The following CDKN1A variants were observed in gnomAD, a reference collection of about 807,000 sequenced individuals.
The protein encoded by CDKN1A is cyclin-dependent kinase inhibitor 1.
Under a neutral mutation model 14.8 loss-of-function variants are expected in CDKN1A, and 14 were observed. That is an observed-to-expected ratio of 0.94 (90% CI 0.62 to 1.48). The LOEUF (loss-of-function observed/expected upper bound fraction) is 1.48. CDKN1A is among the 40% of genes most tolerant of loss of function. The pLI is 0.00. For synonymous variants in CDKN1A, 92 were observed against 93.5 expected, an observed-to-expected ratio of 0.98 and a Z score of 0.09; for missense variants, 203 against 231.7, an observed-to-expected ratio of 0.88 and a Z score of 0.80.
chr6:36,679,045 C>G (rs1761803375), intron 1 of CDKN1A: 13 of 919,576 alleles, frequency 1.4e-5, no homozygotes, highest in Non-Finnish European at 1.6e-5. Context: ...GGGCGGAGAG[C>G]GGGATTACAA....
chr6:36,681,405 C>CT (rs1562038477), intron 1 of CDKN1A, among the ~76,000 whole-genome samples: 12,883 of 92,288 alleles, frequency 0.14, 1,490 homozygotes, highest in East Asian at 0.2. Flanking sequence ...TTCTTTCTTT[C>CT]TTCCTTTCTC....
In CDKN1A at chr6:36,686,245, T is replaced by C; in HGVS notation, c.*445T>C. ...CTGGACACTCAGACCTGAATTCTTTTTCATTTGAGAAGTAAACAGATGGCA... is the reference window on the plus strand; with the variant it reads ...CTGGACACTCAGACCTGAATTCTTTCTCATTTGAGAAGTAAACAGATGGCA... On this transcript the variant is annotated 3_prime_UTR_variant, in exon 3 of 3. Coordinates refer to ENST00000244741, the MANE Select transcript of CDKN1A (RefSeq NM_000389.5). This position sits in a 1 kb window ranked among gnomAD's most constrained non-coding sequence, Gnocchi z 4.9. The C allele has an allele frequency of 9.2e-6, 3 of 327,082 alleles. No individual in the cohort carries two copies. The South Asian group carries it at 1.4e-4, about 15-fold the overall frequency. The allele number at this position is 327,082 out of a possible 1,614,324, so 20.3% of individuals were successfully genotyped here. A position where few individuals can be genotyped will look rare whatever the true frequency, so the allele number is the denominator to read the frequency against.
chr6:36,681,322 TTCTTTC>T (rs1407037342), intron 1 of CDKN1A, among the ~76,000 whole-genome samples: 3 of 124,722 alleles, frequency 2.4e-5, no homozygotes, highest in Non-Finnish European at 3.5e-5. Flanking sequence ...CTTTCTTTCT[TTCTTTC>T]TTTCTTTTTC....
chr6:36,680,340 G>GTGTGTGTGTGTGTCTGTGTC (rs1310329037), intron 1 of CDKN1A: 1 of 148,126 alleles, frequency 6.8e-6, no homozygotes, highest in Non-Finnish European at 1.5e-5. Context: ...GTGTGTGTGT[G>GTGTGTGTGTGTGTCTGTGTC]TGTGTCTGTG....
intron 1 of CDKN1A, among the ~76,000 whole-genome samples, chr6:36,679,234 G>A (rs751873718): frequency 6.6e-6 from 1 of 152,346 alleles, no homozygotes; most frequent in Admixed American, 6.5e-5. Context: ...GGAAGGGCGA[G>A]GAAAGCGGAG....
upstream of CDKN1A, chr6:36,677,596 A>T: frequency 2.7e-6 from 1 of 370,466 alleles, no homozygotes; most frequent in Non-Finnish European, 5.2e-6. Context: ...CTGTCAGAAG[A>T]ACCAGTAGAC....
At chr6:36,681,809 T>C (rs1229049734) in intron 1 of CDKN1A, among the ~76,000 whole-genome samples, 3 of 152,014 alleles carry the variant, frequency 2.0e-5, no homozygotes, top group Non-Finnish European at 4.4e-5. Flanking sequence ...TTAGCCAGGA[T>C]GGTCTCAATC....
intron 1 of CDKN1A, among the ~76,000 whole-genome samples, chr6:36,681,414 TC>T (rs1477379332): frequency 4.0e-5 from 5 of 125,372 alleles, no homozygotes; most frequent in Non-Finnish European, 8.6e-5. Context: ...TCTTCCTTTC[TC>T]TTTCTCTCTT....
chr6:36,680,307 CGTGTGT>C lies in CDKN1A; in HGVS notation c.-6+1542_-6+1547del, dbSNP rs59454180. 2.1e-3 allele frequency among the ~76,000 whole-genome samples: 283 copies of C among 133,272 alleles called. 1 individual carries two copies. Among genetic ancestry groups the C allele is most frequent in the African/African-American group, 4.6e-3 (159 of 34,804 alleles). The allele number at this position is 133,272 out of a possible 152,430, so 87.4% of individuals were successfully genotyped here. The stretch of plus-strand genomic sequence containing the variant: ...GCGCGCGCGTGCGTGTCTGCGCGGG[CGTGTGT>C]GTGTGTGTGTGTGTGTGTGTGTGTG... On this transcript the variant is annotated intron_variant, in intron 1 of 2. Transcript: ENST00000244741.
chr6:36,686,780 C>T lies in CDKN1A; in HGVS notation c.*980C>T. ...GCTCAAGCAGCGACCGCCCCCTCCT[C>T]TAGCTGTGGGGGTGAGGGTCCCATG... On this transcript the variant is annotated 3_prime_UTR_variant, in exon 3 of 3. Coordinates refer to ENST00000244741, the MANE Select transcript of CDKN1A (RefSeq NM_000389.5). This position sits in a 1 kb window ranked among gnomAD's most constrained non-coding sequence, Gnocchi z 4.9. 4.3e-6 allele frequency: 1 copy of T among 234,100 alleles called. No individual in the cohort carries two copies. Among genetic ancestry groups the T allele is most frequent in the East Asian group, 6.0e-5 (1 of 16,612 alleles). 14.5% of individuals were successfully genotyped at this position (234,100 alleles called of 1,614,324 possible).
chr6:36,681,808 A>C (rs1208638016), intron 1 of CDKN1A, among the ~76,000 whole-genome samples: 1 of 151,666 alleles, frequency 6.6e-6, no homozygotes, highest in Non-Finnish European at 1.5e-5. Context: ...GTTAGCCAGG[A>C]TGGTCTCAAT....
At chr6:36,678,547 G>A, upstream of CDKN1A, 1 of 530,496 alleles carries the variant, frequency 1.9e-6, no homozygotes, top group Non-Finnish European at 2.4e-6. The surrounding 1 kb of genome is among the most constrained non-coding windows in gnomAD (Gnocchi z 5.7). Context: ...CGGCTGGCCT[G>A]CTGGAACTCG....
chr6:36,685,659 G>C, intron 2 of CDKN1A, 92 bp from the exon 3 acceptor site: 1 of 1,318,190 alleles, frequency 7.6e-7, no homozygotes. Flanking sequence ...CCCAGGGAAG[G>C]GTGTCCTGGC....
intron 1 of CDKN1A, among the ~76,000 whole-genome samples, chr6:36,682,965 G>T (rs1023532280): frequency 1.3e-5 from 2 of 152,138 alleles, no homozygotes; most frequent in Non-Finnish European, 2.9e-5. Flanking sequence ...GCGCTGCCCC[G>T]CCCGGCCCCT....
chr6:36,681,128 TCC>T (rs1761925825), intron 1 of CDKN1A, among the ~76,000 whole-genome samples: 1 of 152,174 alleles, frequency 6.6e-6, no homozygotes, highest in African/African-American at 2.4e-5. Context: ...CCAGTGTGTC[TCC>T]GCTTGGCTGG....
In CDKN1A at chr6:36,684,480, G is replaced by T; in HGVS notation, c.379G>T (p.Ala127Ser). Residue 127 changes from alanine (A) to serine (S), a missense_variant, in exon 2 of 3, where the codon GCT becomes TCT. Transcript: ENST00000244741. This position sits in a 1 kb window ranked among gnomAD's most constrained non-coding sequence, Gnocchi z 6.0. ...CCTTGTGCCTCGCTCAGGGGAGCAG[G>T]CTGAAGGGTCCCCAGGTGGACCTGG... ...CTLVPRSGEQ[A>S]EGSPGGPGDS... The T allele has an allele frequency of 6.2e-7, 1 of 1,614,220 alleles. No homozygotes were observed. Among genetic ancestry groups the T allele is most frequent in the South Asian group, 1.1e-5 (1 of 91,088 alleles).
chr6:36,685,257 C>T (rs1229194293), intron 2 of CDKN1A, among the ~76,000 whole-genome samples: 2 of 152,186 alleles, frequency 1.3e-5, no homozygotes, highest in African/African-American at 4.8e-5. Flanking sequence ...CAACTACTGA[C>T]GTTTATATGG....
chr6:36,677,871 C>G (rs904449821), upstream of CDKN1A: 5 of 1,366,074 alleles, frequency 3.7e-6, no homozygotes, highest in Admixed American at 4.4e-5. Context: ...ACAACTCACT[C>G]GTCAAATCCT....
chr6:36,678,393 C>T (rs1160389150), upstream of CDKN1A: 2 of 155,438 alleles, frequency 1.3e-5, no homozygotes, highest in East Asian at 3.8e-4. The surrounding 1 kb of genome is among the most constrained non-coding windows in gnomAD (Gnocchi z 5.7). Context: ...GCTGTGTCCT[C>T]CTGGAGAGTG....
Sources: allele counts gnomAD v4.1 joint callset (sites outside exome capture counted in the v4.1 genomes callset), GRCh38; gene constraint gnomAD v4.1.1; non-coding constraint Gnocchi (gnomAD v3.1); transcripts MANE v1.5; gene names NCBI Gene and HGNC (gene_info 2026-07-23, HGNC 2026-07-21).